ADAM10: variants seen among roughly 807,000 people sequenced by gnomAD.
The protein encoded by ADAM10 is disintegrin and metalloproteinase domain-containing protein 10.
A neutral mutation model predicts 90.1 loss-of-function variants in ADAM10; 17 were observed. That is an observed-to-expected ratio of 0.19 (90% CI 0.13 to 0.28). The LOEUF (loss-of-function observed/expected upper bound fraction) is 0.28. Ranked by LOEUF, ADAM10 falls within the 10% of genes least tolerant of loss-of-function variation. The probability of loss-of-function intolerance (pLI) is 1.00; values close to 1 mark genes in which losing one functional copy is unlikely to be tolerated. For synonymous variants in ADAM10, 310 were observed against 298.6 expected, an observed-to-expected ratio of 1.04 and a Z score of -0.40; for missense variants, 610 against 914.3, an observed-to-expected ratio of 0.67 and a Z score of 4.29.
intron 5 of ADAM10, among the ~76,000 whole-genome samples, chr15:58,656,481 C>T (rs1896832282): frequency 6.6e-6 from 1 of 151,888 alleles, no homozygotes; most frequent in Non-Finnish European, 1.5e-5. Flanking sequence ...GTGTATCTAT[C>T]ATATGTTTTT....
intron 5 of ADAM10, among the ~76,000 whole-genome samples, chr15:58,655,729 A>ATATATATATAG (rs1896810135): frequency 2.0e-5 from 2 of 100,114 alleles, no homozygotes; most frequent in Non-Finnish European, 4.0e-5. Flanking sequence ...ATATATATAT[A>ATATATATATAG]TATATATATA....
intron 1 of ADAM10, among the ~76,000 whole-genome samples, chr15:58,739,944 T>G (rs1365097080): frequency 6.6e-6 from 1 of 152,190 alleles, no homozygotes; most frequent in Non-Finnish European, 1.5e-5. Flanking sequence ...TCCTAAGCAA[T>G]GTATTTAACA....
intron 14 of ADAM10, among the ~76,000 whole-genome samples, chr15:58,603,419 G>C (rs1444830752): frequency 1.3e-5 from 2 of 152,132 alleles, no homozygotes; most frequent in Non-Finnish European, 2.9e-5. Context: ...AACACCTGCT[G>C]GGGAAGTGGT....
chr15:58,679,742 T>G (rs1473995294), intron 3 of ADAM10, among the ~76,000 whole-genome samples: 1 of 151,922 alleles, frequency 6.6e-6, no homozygotes, highest in Non-Finnish European at 1.5e-5. Flanking sequence ...CTGTCTCTAC[T>G]AAAAACACAG....
chr15:58,720,080 C>T (rs1485289573), intron 1 of ADAM10, among the ~76,000 whole-genome samples: 3 of 152,202 alleles, frequency 2.0e-5, no homozygotes, highest in African/African-American at 7.2e-5. Context: ...GCCATAACCA[C>T]ATGAGCTAAG....
intron 1 of ADAM10, among the ~76,000 whole-genome samples, chr15:58,742,569 G>A (rs1157927265): frequency 2.2e-4 from 33 of 152,288 alleles, no homozygotes; most frequent in African/African-American, 7.5e-4. Context: ...TCTCAGCACC[G>A]CTATTTCCTG....
intron 5 of ADAM10, among the ~76,000 whole-genome samples, chr15:58,659,565 G>A (rs1172539201): frequency 6.6e-6 from 1 of 151,992 alleles, no homozygotes; most frequent in Non-Finnish European, 1.5e-5. Flanking sequence ...CTTCATTTGA[G>A]CATAATGTGT....
At chr15:58,748,726 T>C in intron 1 of ADAM10, 1 of 389,114 alleles carries the variant, frequency 2.6e-6, no homozygotes, top group Non-Finnish European at 4.5e-6. Flanking sequence ...CATCCCCAAA[T>C]GGTTTACCCT....
At chr15:58,724,116 A>G (rs6494037) in intron 1 of ADAM10, among the ~76,000 whole-genome samples, 68,737 of 151,264 alleles carry the variant, frequency 0.45, 18,304 homozygotes, top group East Asian at 0.84. Flanking sequence ...GGCAGAAGTT[A>G]CAGTGAGCCG....
At chr15:58,683,788 AGGT>A (rs1384251811) in intron 2 of ADAM10, among the ~76,000 whole-genome samples, 30 of 134,302 alleles carry the variant, frequency 2.2e-4, no homozygotes, top group African/African-American at 8.6e-4. Context: ...TGAATCTGGG[AGGT>A]GGAGGCTACA....
chr15:58,692,250 C>CT (rs1175002105), intron 2 of ADAM10: 2 of 598,924 alleles, frequency 3.3e-6, no homozygotes, highest in African/African-American at 3.7e-5. Context: ...CAGGGAATTG[C>CT]TTGACTGCCA....
chr15:58,669,570 C>A (rs1223826199), intron 4 of ADAM10, among the ~76,000 whole-genome samples: 1 of 152,088 alleles, frequency 6.6e-6, no homozygotes, highest in African/African-American at 2.4e-5. Flanking sequence ...TTTCCAAATG[C>A]CCCCTCTCTA....
intron 1 of ADAM10, among the ~76,000 whole-genome samples, chr15:58,739,905 A>G (rs16940725): frequency 0.053 from 8,077 of 152,284 alleles, 571 homozygotes; most frequent in African/African-American, 0.16. Context: ...AAACGGGTGC[A>G]TAACATGTAT....
chr15:58,657,729 T>C (rs1368848300), intron 5 of ADAM10, among the ~76,000 whole-genome samples: 1 of 152,172 alleles, frequency 6.6e-6, no homozygotes, highest in African/African-American at 2.4e-5. Flanking sequence ...GGTGAAGTCA[T>C]GTTTTCCTGG....
Position 58,665,172 on chromosome 15 carries a change from CT to C in ADAM10, c.509del (p.Gln170ArgfsTer13). 1 of 1,612,998 alleles carries C rather than the reference CT, an allele frequency of 6.2e-7. No homozygotes were observed. On this transcript the variant is annotated frameshift_variant, in exon 5 of 16. Coordinates refer to ENST00000260408, the MANE Select transcript of ADAM10 (RefSeq NM_001110.4). LOFTEE classifies it high-confidence loss of function. Reference sequence around the variant, plus strand: ...ATACTGAATGATCTGCACAGCCCCCCTGAGGACCGTATTTATGGGGATAGTC... The same window carrying C: ...ATACTGAATGATCTGCACAGCCCCCCGAGGACCGTATTTATGGGGATAGTC... ...DINYPHKYGPQGGCADHSVFE... is the reference protein window; with the variant it reads ...DINYPHKYGPXGGCADHSVFE...
chr15:58,709,109 T>C (rs1179152973), intron 2 of ADAM10, among the ~76,000 whole-genome samples: 1 of 152,152 alleles, frequency 6.6e-6, no homozygotes, highest in Non-Finnish European at 1.5e-5. Context: ...TTCAACACAG[T>C]TACTATAAAA....
intron 10 of ADAM10, 102 bp downstream of exon 10, chr15:58,627,597 TA>T: frequency 1.0e-6 from 1 of 979,344 alleles, no homozygotes; most frequent in African/African-American, 1.6e-5. Flanking sequence ...TTAGCAATAG[TA>T]AAATGCAGGT....
chr15:58,590,011 T>C lies in ADAM10; in HGVS notation c.*7536A>G, dbSNP rs1399480805. On this transcript the variant is annotated 3_prime_UTR_variant, in exon 16 of 16. Coordinates refer to ENST00000260408, the MANE Select transcript of ADAM10 (RefSeq NM_001110.4). ...AGGAATCTGAATGACTAGGCTGACA[T>C]ACCTTTCCCCAAAGAAAAATCAGCT... The C allele has an allele frequency of 6.6e-6, 1 of 152,194 alleles. No individual in the cohort carries two copies. Among genetic ancestry groups the C allele is most frequent in the Non-Finnish European group, 1.5e-5 (1 of 68,038 alleles). 9.4% of individuals were successfully genotyped at this position (152,194 alleles called of 1,614,324 possible).
intron 1 of ADAM10, among the ~76,000 whole-genome samples, chr15:58,740,481 G>T (rs1278541778): frequency 2.0e-5 from 3 of 151,846 alleles, no homozygotes; most frequent in Non-Finnish European, 4.4e-5. Flanking sequence ...GGAATGACAT[G>T]ATTTCATTTT....
Sources: gnomAD v4.1 joint callset for allele counts (sites outside exome capture counted in the v4.1 genomes callset) on GRCh38, gnomAD v4.1.1 for gene constraint, MANE v1.5 for transcripts, NCBI Gene and HGNC (gene_info 2026-07-23, HGNC 2026-07-21) for gene names.